Variants in KIF26B observed in about 807,000 individuals in gnomAD.
The protein encoded by KIF26B is kinesin-like protein KIF26B.
KIF26B carries 63 observed loss-of-function variants against 151.2 expected under a neutral mutation model. That is an observed-to-expected ratio of 0.42 (90% CI 0.34 to 0.51). The LOEUF is 0.51. Among genes scored for constraint, KIF26B ranks in the 20% least tolerant of loss-of-function variants. KIF26B has a pLI of 0.07. For synonymous variants in KIF26B, 1,357 were observed against 1,262.1 expected (o/e 1.08, Z -1.59); for missense variants, 2,813 against 2,913.6 (o/e 0.97, Z 0.79).
chr1:245,660,308 G>A (rs1426763149), intron 10 of KIF26B, among the ~76,000 whole-genome samples: 6 of 144,662 alleles, frequency 4.1e-5, no homozygotes, highest in Admixed American at 2.0e-4. Flanking sequence ...ATGTTCATTT[G>A]CCATTTATTA....
At chr1:245,528,382 G>GT (rs1366284000) in intron 4 of KIF26B, among the ~76,000 whole-genome samples, 11 of 152,204 alleles carry the variant, frequency 7.2e-5, no homozygotes, top group Non-Finnish European at 1.6e-4. Flanking sequence ...AGGTAGGATA[G>GT]TGTGAGGGAT....
At chr1:245,429,781 T>TA (rs1658734932) in intron 4 of KIF26B, among the ~76,000 whole-genome samples, 1 of 152,080 alleles carries the variant, frequency 6.6e-6, no homozygotes, top group Non-Finnish European at 1.5e-5. Flanking sequence ...ACCTGGCTAA[T>TA]TTTTGTATTT....
At chr1:245,163,102 A>G (rs940052214) in intron 2 of KIF26B, among the ~76,000 whole-genome samples, 24 of 152,224 alleles carry the variant, frequency 1.6e-4, no homozygotes, top group Non-Finnish European at 2.8e-4. Context: ...TTAATTGAAG[A>G]TACCACCATT....
chr1:245,412,655 A>G (rs1674315128), intron 3 of KIF26B, among the ~76,000 whole-genome samples: 1 of 152,186 alleles, frequency 6.6e-6, no homozygotes, highest in South Asian at 2.1e-4. Flanking sequence ...GATGGTAACC[A>G]CATTTGGGAT....
At chr1:245,522,019 G>A (rs1013738606) in intron 4 of KIF26B, among the ~76,000 whole-genome samples, 31 of 151,614 alleles carry the variant, frequency 2.0e-4, no homozygotes, top group African/African-American at 3.1e-4. Context: ...ACAGGCACCC[G>A]CCACCATGCC....
chr1:245,405,656 G>A (rs565070899), intron 3 of KIF26B, among the ~76,000 whole-genome samples: 67 of 150,652 alleles, frequency 4.4e-4, no homozygotes, highest in Non-Finnish European at 8.5e-4. Flanking sequence ...AATAAGTGCT[G>A]CAATTAACGG....
At chr1:245,335,962 G>T (rs1672219048) in intron 2 of KIF26B, among the ~76,000 whole-genome samples, 1 of 137,128 alleles carries the variant, frequency 7.3e-6, no homozygotes, top group Middle Eastern at 4.2e-3. Flanking sequence ...AGGGAAAGGA[G>T]AGTCCCACGC....
intron 4 of KIF26B, among the ~76,000 whole-genome samples, chr1:245,434,040 T>C (rs909661620): frequency 6.6e-6 from 1 of 152,214 alleles, no homozygotes; most frequent in Non-Finnish European, 1.5e-5. Flanking sequence ...TTCTTTCCAG[T>C]CTTTTTGGTG....
At chr1:245,220,410 AGTCCAGGGTCCAGGGTCCAGG>A (rs66870554) in intron 2 of KIF26B, among the ~76,000 whole-genome samples, 1 of 92,292 alleles carries the variant, frequency 1.1e-5, no homozygotes, top group African/African-American at 2.9e-5. Context: ...CAGACGATGG[AGTCCAGGGTCCAGGGTCCAGG>A]GTCCAGGGTC....
rs1315234888 is a variant in KIF26B, at chr1:245,687,114, T to A, written c.4131T>A (p.Asn1377Lys). The A allele has an allele frequency of 6.2e-7, 1 of 1,613,388 alleles. No individual in the cohort carries two copies. Among genetic ancestry groups the A allele is most frequent in the Non-Finnish European group, 8.5e-7 (1 of 1,179,846 alleles). ...TGGTCACCATCTCCAACACGGCCAA[T>A]CTGAGCAGCTGCGAGGGGTACATCC... ...KAMVTISNTA[N>K]LSSCEGYIPM... is the part of the protein sequence containing the mutation. The change falls in exon 12 of 15, where the codon AAT (asparagine) becomes AAA (lysine). Residue 1377 changes from asparagine to lysine, a missense_variant. By Grantham distance (94) the Asn-to-Lys change is moderately conservative. Coordinates refer to ENST00000407071, the MANE Select transcript of KIF26B (RefSeq NM_018012.4). The surrounding 1 kb of genome is among the most constrained non-coding windows in gnomAD (Gnocchi z 4.9).
intron 10 of KIF26B, among the ~76,000 whole-genome samples, chr1:245,682,455 T>TTG (rs1558267842): frequency 8.2e-5 from 12 of 146,520 alleles, no homozygotes; most frequent in African/African-American, 2.3e-4. Flanking sequence ...ACTACTCATG[T>TTG]AAGACCTGAC....
chr1:245,630,743 GTAAA>G (rs563430535), intron 9 of KIF26B, among the ~76,000 whole-genome samples: 12 of 152,078 alleles, frequency 7.9e-5, no homozygotes, highest in East Asian at 5.8e-4. Flanking sequence ...AGAACTTGAA[GTAAA>G]TAAATAAATA....
rs1199416441 is a variant in KIF26B at position 245,172,823 on chromosome 1, AAAAAC to A, written c.465+16149_465+16153del. On this transcript the variant is annotated intron_variant, in intron 2 of 14. Transcript: ENST00000407071. ...AGACTCCATCTCAAAAAACAAAAAC[AAAAAC>A]AAAACAAAGAGGGTGGCCCACCACA... Among the ~76,000 whole-genome samples, 3 of 152,228 alleles carry A rather than the reference AAAAAC, an allele frequency of 2.0e-5. No homozygotes were observed. The South Asian group carries it at 6.2e-4, about 32-fold the overall frequency.
At chr1:245,230,207 A>G (rs1478935892) in intron 2 of KIF26B, among the ~76,000 whole-genome samples, 2 of 152,018 alleles carry the variant, frequency 1.3e-5, no homozygotes, top group Non-Finnish European at 2.9e-5. Flanking sequence ...GTAACTAGAG[A>G]CGAGGTGTAC....
intron 3 of KIF26B, among the ~76,000 whole-genome samples, chr1:245,402,574 C>T (rs190987467): frequency 4.6e-5 from 7 of 152,268 alleles, no homozygotes; most frequent in Admixed American, 3.3e-4. Flanking sequence ...AGAGTGAGTG[C>T]GATCCGTGAA....
At position 245,540,961 on chromosome 1, in the gene KIF26B, C is replaced by A; in HGVS notation, c.1350+11C>A. ...CCGGGGCTGGGCAAGGTAGGACCAT[C>A]CGCCGTCCCTGCCATTTGCCCAGTG... On this transcript the variant is annotated intron_variant, in intron 5 of 14. Coordinates refer to ENST00000407071, the MANE Select transcript of KIF26B (RefSeq NM_018012.4). The surrounding 1 kb of genome is among the most constrained non-coding windows in gnomAD (Gnocchi z 4.6). 6.3e-7 allele frequency: 1 copy of A among 1,597,430 alleles called. No homozygotes were observed. Among genetic ancestry groups the A allele is most frequent in the African/African-American group, 1.3e-5 (1 of 74,612 alleles).
At chr1:245,589,112 A>G (rs2043258966) in intron 5 of KIF26B, among the ~76,000 whole-genome samples, 1 of 152,212 alleles carries the variant, frequency 6.6e-6, no homozygotes, top group Non-Finnish European at 1.5e-5. Flanking sequence ...TACATTTTAG[A>G]TAAGACCGTT....
At chr1:245,462,596 C>T (rs903169003) in intron 4 of KIF26B, among the ~76,000 whole-genome samples, 3 of 152,136 alleles carry the variant, frequency 2.0e-5, no homozygotes, top group Non-Finnish European at 4.4e-5. Flanking sequence ...GTGTATTCAC[C>T]GGGTACCCAC....
intron 14 of KIF26B, among the ~76,000 whole-genome samples, chr1:245,699,532 T>C (rs2044740377): frequency 6.6e-6 from 1 of 152,056 alleles, no homozygotes; most frequent in East Asian, 1.9e-4. Context: ...GTTATTTCCA[T>C]TTAATAGAAA....
Sources: allele counts gnomAD v4.1 joint callset (sites outside exome capture counted in the v4.1 genomes callset), GRCh38; gene constraint gnomAD v4.1.1; non-coding constraint Gnocchi (gnomAD v3.1); transcripts MANE v1.5; gene names NCBI Gene and HGNC (gene_info 2026-07-23, HGNC 2026-07-21).